FOXO3: variants seen among roughly 807,000 people sequenced by gnomAD.
FOXO3 encodes the protein forkhead box protein O3.
Under a neutral mutation model 41.9 loss-of-function variants are expected in FOXO3, and 4 were observed. The observed-to-expected ratio is 0.10, with a 90% CI of 0.05 to 0.22. FOXO3 has a LOEUF of 0.22. FOXO3 is among the 10% of genes least tolerant of loss of function. The pLI, the probability that FOXO3 is intolerant of heterozygous loss-of-function variation, is 1.00. For missense variants in FOXO3, 534 were observed against 906.8 expected (o/e 0.59, Z 5.28); for synonymous variants, 318 against 389.3 (o/e 0.82, Z 2.16).
In FOXO3 at chr6:108,680,314, T is replaced by C. The variant is rs544401466; in HGVS notation, c.*522T>C. The C allele has an allele frequency of 6.5e-6, 1 of 152,778 alleles. No individual in the cohort carries two copies. Among genetic ancestry groups the C allele is most frequent in the Non-Finnish European group, 1.5e-5 (1 of 68,030 alleles). 9.5% of individuals were successfully genotyped at this position (152,778 alleles called of 1,614,324 possible). ...ATGTTGTACCAGTTACCATTCCGGG[T>C]TCGAGCATCACAAGCTTTTGAGCGC... On this transcript the variant is annotated 3_prime_UTR_variant, in exon 3 of 3. Coordinates refer to ENST00000406360, the MANE Select transcript of FOXO3 (RefSeq NM_001455.4).
intron 1 of FOXO3, among the ~76,000 whole-genome samples, chr6:108,570,775 A>G (rs954985976): frequency 1.3e-5 from 2 of 152,186 alleles, no homozygotes; most frequent in African/African-American, 4.8e-5. Flanking sequence ...CTAAAATAAT[A>G]CCTTGATTAT....
At chr6:108,676,478 G>T (rs752619394) in intron 2 of FOXO3, among the ~76,000 whole-genome samples, 1 of 152,118 alleles carries the variant, frequency 6.6e-6, no homozygotes, top group Non-Finnish European at 1.5e-5. Flanking sequence ...CTGGTCTCAA[G>T]GGACCGCCCC....
chr6:108,602,384 A>T (rs1777076602), intron 1 of FOXO3, among the ~76,000 whole-genome samples: 1 of 152,220 alleles, frequency 6.6e-6, no homozygotes, highest in Non-Finnish European at 1.5e-5. Flanking sequence ...CGCCTGTAGC[A>T]GCATAACCTA....
chr6:108,586,288 T>C (rs555674455), intron 1 of FOXO3, among the ~76,000 whole-genome samples: 23 of 152,192 alleles, frequency 1.5e-4, no homozygotes, highest in South Asian at 4.1e-4. Flanking sequence ...TCCAAACTTA[T>C]GTTATGCCTT....
chr6:108,671,168 GTCT>G (rs1779206462), intron 2 of FOXO3, among the ~76,000 whole-genome samples: 1 of 152,178 alleles, frequency 6.6e-6, no homozygotes, highest in African/African-American at 2.4e-5. Context: ...TTATCACATG[GTCT>G]ATTCCACAAA....
intron 1 of FOXO3, among the ~76,000 whole-genome samples, chr6:108,641,548 T>G (rs1423515625): frequency 1.3e-5 from 2 of 152,160 alleles, no homozygotes; most frequent in Non-Finnish European, 2.9e-5. Flanking sequence ...ATATTTAACT[T>G]ATGGAATAAT....
intron 2 of FOXO3, among the ~76,000 whole-genome samples, chr6:108,676,483 CG>C (rs781337693): frequency 1.3e-5 from 2 of 152,118 alleles, no homozygotes; most frequent in Non-Finnish European, 2.9e-5. Context: ...CTCAAGGGAC[CG>C]CCCCCCTCAG....
chr6:108,585,941 AG>A (rs1776569267), intron 1 of FOXO3, among the ~76,000 whole-genome samples: 1 of 152,170 alleles, frequency 6.6e-6, no homozygotes, highest in East Asian at 1.9e-4. Flanking sequence ...AAGAGAGATG[AG>A]GGACACATGC....
intron 1 of FOXO3, among the ~76,000 whole-genome samples, chr6:108,596,466 C>G (rs1776888834): frequency 6.8e-6 from 1 of 146,880 alleles, no homozygotes; most frequent in South Asian, 2.2e-4. Context: ...GTCCAGATTA[C>G]TTGAAAAGTT....
intron 1 of FOXO3, among the ~76,000 whole-genome samples, chr6:108,658,980 G>A (rs1778768517): frequency 6.6e-6 from 1 of 152,082 alleles, no homozygotes; most frequent in Non-Finnish European, 1.5e-5. Context: ...AGCCTCCCAG[G>A]CACAAGTGAT....
intron 1 of FOXO3, among the ~76,000 whole-genome samples, chr6:108,662,548 A>C (rs187910209): frequency 6.6e-6 from 1 of 152,222 alleles, no homozygotes; most frequent in Non-Finnish European, 1.5e-5. Context: ...TGTCTGCAAG[A>C]GTTACATGGT....
chr6:108,566,991 TGC>T (rs1276958878), intron 1 of FOXO3, among the ~76,000 whole-genome samples: 1 of 152,214 alleles, frequency 6.6e-6, no homozygotes, highest in Non-Finnish European at 1.5e-5. Context: ...GCAGAGCATT[TGC>T]CAGGACTTAG....
At chr6:108,635,511 T>G (rs566977185) in intron 1 of FOXO3, among the ~76,000 whole-genome samples, 14 of 152,178 alleles carry the variant, frequency 9.2e-5, no homozygotes, top group Non-Finnish European at 1.3e-4. Flanking sequence ...GTTTGTTATA[T>G]TCTGTGTAAT....
At chr6:108,600,534 A>G (rs962779594) in intron 1 of FOXO3, among the ~76,000 whole-genome samples, 1 of 132,762 alleles carries the variant, frequency 7.5e-6, no homozygotes, top group Non-Finnish European at 1.6e-5. Context: ...GTGACAGAGC[A>G]AGTCTCCATC....
At chr6:108,574,139 C>CTTT (rs1776193892) in intron 1 of FOXO3, among the ~76,000 whole-genome samples, 1 of 136,826 alleles carries the variant, frequency 7.3e-6, no homozygotes, top group African/African-American at 2.8e-5. Context: ...GGCGACAGAG[C>CTTT]GAGACTCTGT....
At chr6:108,638,213 A>G (rs1778168600) in intron 1 of FOXO3, among the ~76,000 whole-genome samples, 1 of 152,204 alleles carries the variant, frequency 6.6e-6, no homozygotes, top group Non-Finnish European at 1.5e-5. Context: ...TTTCAGATGC[A>G]GTCCTAAGAA....
chr6:108,674,210 T>C (rs1031501843), intron 2 of FOXO3, among the ~76,000 whole-genome samples: 3 of 152,128 alleles, frequency 2.0e-5, no homozygotes, highest in Admixed American at 2.0e-4. Context: ...TCTTGGCAAA[T>C]ATGAGTAGGT....
chr6:108,599,989 G>A (rs1776998463), intron 1 of FOXO3, among the ~76,000 whole-genome samples: 1 of 152,254 alleles, frequency 6.6e-6, no homozygotes, highest in African/African-American at 2.4e-5. Flanking sequence ...AAGATCTGAG[G>A]GGTAAGCAGG....
At chr6:108,671,172 AT>A (rs1779207087) in intron 2 of FOXO3, among the ~76,000 whole-genome samples, 1 of 152,218 alleles carries the variant, frequency 6.6e-6, no homozygotes, top group African/African-American at 2.4e-5. Context: ...CACATGGTCT[AT>A]TCCACAAAAA....
Sources: gnomAD v4.1 joint callset for allele counts (sites outside exome capture counted in the v4.1 genomes callset) on GRCh38, gnomAD v4.1.1 for gene constraint, MANE v1.5 for transcripts, NCBI Gene and HGNC (gene_info 2026-07-23, HGNC 2026-07-21) for gene names.